Variants in ARL15 observed in about 807,000 individuals in gnomAD.
ARL15 encodes the protein ARF like GTPase 15.
A neutral mutation model predicts 25.2 loss-of-function variants in ARL15; 19 were observed. The observed-to-expected ratio is 0.75, with a 90% confidence interval of 0.53 to 1.10. ARL15 has a LOEUF of 1.10. Ranked by LOEUF, ARL15 falls within the 50% of genes least tolerant of loss-of-function variation. ARL15 has a pLI of 0.00. For synonymous variants in ARL15, 94 were observed against 86.8 expected (o/e 1.08, Z -0.46); for missense variants, 220 against 246.0 (o/e 0.89, Z 0.71).
Position 54,064,703 on chromosome 5 carries a change from T to G in ARL15, c.462+48499A>C, listed in dbSNP as rs184863811. On this transcript the variant is annotated intron_variant, in intron 4 of 4. Transcript: ENST00000504924. ...AATATTTGCACTGTTCTCCCTGAGG[T>G]TTTATGAGCACTAAAAATCTAGTGA... Among the ~76,000 whole-genome samples, 1,314 of 149,578 alleles carry G rather than the reference T, an allele frequency of 8.8e-3. 10 individuals are homozygous for G. The highest frequency in any genetic ancestry group is 0.015 in the South Asian group (68 of 4,648).
rs147770204 is a variant in ARL15, at chr5:53,885,519, C to T, written c.*1042G>A. 1 of 152,538 alleles carries T rather than the reference C, an allele frequency of 6.6e-6. No individual in the cohort carries two copies. The highest frequency in any genetic ancestry group is 1.5e-5 in the Non-Finnish European group (1 of 68,004). 9.4% of individuals were successfully genotyped at this position (152,538 alleles called of 1,614,324 possible). A position where few individuals can be genotyped will look rare whatever the true frequency, so the allele number is the denominator to read the frequency against. ...AAAATAGAGGTTTATAATAGAAATACTGATAAACCTTTAACTACTAGAGGA... is the reference window on the plus strand; with the variant it reads ...AAAATAGAGGTTTATAATAGAAATATTGATAAACCTTTAACTACTAGAGGA... On this transcript the variant is annotated 3_prime_UTR_variant, in exon 5 of 5. Coordinates refer to ENST00000504924, the MANE Select transcript of ARL15 (RefSeq NM_019087.3).
chr5:53,941,993 C>T (rs920217838), intron 4 of ARL15, among the ~76,000 whole-genome samples: 1 of 152,068 alleles, frequency 6.6e-6, no homozygotes, highest in Non-Finnish European at 1.5e-5. Flanking sequence ...TTTAAAAAAT[C>T]CATGTAAAGA....
At chr5:53,958,694 A>G (rs1200528990) in intron 4 of ARL15, among the ~76,000 whole-genome samples, 1 of 152,202 alleles carries the variant, frequency 6.6e-6, no homozygotes. Flanking sequence ...ATCCAAAGAC[A>G]AACATTGGTT....
At chr5:54,240,474 C>A (rs1048924558) in intron 1 of ARL15, among the ~76,000 whole-genome samples, 10 of 152,136 alleles carry the variant, frequency 6.6e-5, no homozygotes, top group African/African-American at 2.4e-4. Flanking sequence ...CACGCTTGCA[C>A]AGAAACCTAC....
chr5:54,144,050 T>C (rs550631240), intron 3 of ARL15, among the ~76,000 whole-genome samples: 71 of 152,062 alleles, frequency 4.7e-4, no homozygotes, highest in Non-Finnish European at 8.7e-4. Context: ...AAATCAGAAA[T>C]AAAGCTATTT....
intron 4 of ARL15, among the ~76,000 whole-genome samples, chr5:53,942,408 A>C (rs1746566284): frequency 6.6e-6 from 1 of 152,178 alleles, no homozygotes; most frequent in African/African-American, 2.4e-5. Flanking sequence ...CTAGAGATTT[A>C]AATGTAGGAC....
intron 4 of ARL15, among the ~76,000 whole-genome samples, chr5:53,938,177 C>G (rs1361231970): frequency 6.6e-6 from 1 of 151,692 alleles, no homozygotes; most frequent in African/African-American, 2.4e-5. Flanking sequence ...TTGTATGGCT[C>G]TTCTAGTCTT....
chr5:54,147,465 A>C (rs1753945481), intron 3 of ARL15, among the ~76,000 whole-genome samples: 1 of 152,222 alleles, frequency 6.6e-6, no homozygotes, highest in Non-Finnish European at 1.5e-5. Context: ...AATTGCAGAG[A>C]GTGGCAGAGG....
chr5:54,174,585 T>A (rs1230364058), intron 1 of ARL15, among the ~76,000 whole-genome samples: 1 of 152,162 alleles, frequency 6.6e-6, no homozygotes, highest in South Asian at 2.1e-4. Context: ...CTTCATCCTA[T>A]GAGATGTTCT....
At chr5:54,118,601 C>A (rs949518949) in intron 3 of ARL15, among the ~76,000 whole-genome samples, 1 of 152,050 alleles carries the variant, frequency 6.6e-6, no homozygotes, top group African/African-American at 2.4e-5. Context: ...TAGTTTCTAG[C>A]GGGAATAAAA....
intron 3 of ARL15, among the ~76,000 whole-genome samples, chr5:54,129,671 T>C (rs1233033279): frequency 6.6e-6 from 1 of 152,216 alleles, no homozygotes; most frequent in Non-Finnish European, 1.5e-5. Flanking sequence ...ATTCCTGGCA[T>C]TTTCATTTAT....
At chr5:53,938,174 G>A (rs1300056541) in intron 4 of ARL15, among the ~76,000 whole-genome samples, 1 of 151,742 alleles carries the variant, frequency 6.6e-6, no homozygotes, top group Non-Finnish European at 1.5e-5. Flanking sequence ...TACTTGTATG[G>A]CTCTTCTAGT....
intron 4 of ARL15, among the ~76,000 whole-genome samples, chr5:54,068,073 G>A (rs1273900868): frequency 6.6e-6 from 1 of 152,134 alleles, no homozygotes; most frequent in Non-Finnish European, 1.5e-5. Context: ...ATAAAGAGCT[G>A]GAGGATAAGA....
Position 53,932,697 on chromosome 5 carries a change from T to A in ARL15, c.463-45984A>T, listed in dbSNP as rs372264705. 4.4e-4 allele frequency among the ~76,000 whole-genome samples: 67 copies of A among 152,262 alleles called. 1 individual carries two copies. In the East Asian group the frequency reaches 8.7e-3, roughly 20 times the overall value. On this transcript the variant is annotated intron_variant, in intron 4 of 4. Coordinates refer to ENST00000504924, the MANE Select transcript of ARL15 (RefSeq NM_019087.3). Reference sequence around the variant, plus strand: ...GTGGTCTTTATCATTCCGTGCTATATTGGTTATAGGTAACACTGGACACAG... The same window carrying A: ...GTGGTCTTTATCATTCCGTGCTATAATGGTTATAGGTAACACTGGACACAG...
intron 3 of ARL15, among the ~76,000 whole-genome samples, chr5:54,114,613 T>C (rs887859133): frequency 3.3e-5 from 5 of 152,090 alleles, no homozygotes; most frequent in African/African-American, 1.2e-4. Flanking sequence ...CTAGAGATGA[T>C]TTAGTCCAAC....
At chr5:53,920,854 G>A (rs955623266) in intron 4 of ARL15, among the ~76,000 whole-genome samples, 2 of 152,080 alleles carry the variant, frequency 1.3e-5, no homozygotes, top group Admixed American at 6.5e-5. Context: ...CTTGGGAGTC[G>A]GGGCACAACT....
chr5:53,957,868 T>C (rs912611413), intron 4 of ARL15, among the ~76,000 whole-genome samples: 1 of 151,836 alleles, frequency 6.6e-6, no homozygotes, highest in African/African-American at 2.4e-5. Flanking sequence ...TAAAAGCTAG[T>C]ATATATTTTA....
chr5:54,018,899 A>G (rs996687392), intron 4 of ARL15, among the ~76,000 whole-genome samples: 2 of 152,184 alleles, frequency 1.3e-5, no homozygotes, highest in Non-Finnish European at 2.9e-5. Flanking sequence ...AATCTATTAT[A>G]GTTCCCAATG....
intron 1 of ARL15, among the ~76,000 whole-genome samples, chr5:54,222,563 C>T (rs1377051162): frequency 1.6e-4 from 24 of 152,164 alleles, no homozygotes; most frequent in Admixed American, 1.2e-3. Flanking sequence ...CATACAAGCA[C>T]GTAAAATCAT....
Sources: allele counts gnomAD v4.1 joint callset (sites outside exome capture counted in the v4.1 genomes callset), GRCh38; gene constraint gnomAD v4.1.1; transcripts MANE v1.5; gene names NCBI Gene and HGNC (gene_info 2026-07-23, HGNC 2026-07-21).